The following CADM2 variants were observed in gnomAD, a reference collection of about 807,000 sequenced individuals.
CADM2 encodes cell adhesion molecule 2, also known as immunoglobulin superfamily member 4D.
A neutral mutation model predicts 49.8 loss-of-function variants in CADM2; 12 were observed. The observed-to-expected ratio is 0.24, with a 90% CI of 0.15 to 0.39. The LOEUF (loss-of-function observed/expected upper bound fraction) is 0.39. CADM2 is among the 10% of genes least tolerant of loss of function. The pLI, the probability that CADM2 is intolerant of heterozygous loss-of-function variation, is 1.00. For synonymous variants in CADM2, 214 were observed against 175.4 expected, an observed-to-expected ratio of 1.22 and a Z score of -1.74; for missense variants, 378 against 492.3, an observed-to-expected ratio of 0.77 and a Z score of 2.20.
chr3:85,766,037 T>C lies in CADM2; in HGVS notation c.89-36010T>C, dbSNP rs563069391. Among the ~76,000 whole-genome samples the C allele has an allele frequency of 4.3e-3, 652 of 152,278 alleles. 2 individuals carry two copies. The highest frequency in any genetic ancestry group is 6.8e-3 in the Middle Eastern group (2 of 294). ...TGGTGTCTAAATGGCATGCAACTACTATAGACCTGTTAGAATACGATGCAG... is the reference window on the plus strand; with the variant it reads ...TGGTGTCTAAATGGCATGCAACTACCATAGACCTGTTAGAATACGATGCAG... On this transcript the variant is annotated intron_variant, in intron 2 of 9. Coordinates refer to ENST00000383699, the MANE Select transcript of CADM2 (RefSeq NM_001167675.2).
intron 6 of CADM2, among the ~76,000 whole-genome samples, chr3:85,917,115 G>A (rs1718453521): frequency 6.6e-6 from 1 of 151,938 alleles, no homozygotes; most frequent in African/African-American, 2.4e-5. Context: ...CATTCTGTAG[G>A]TTGCCTGTTC....
intron 1 of CADM2, among the ~76,000 whole-genome samples, chr3:85,135,955 C>T (rs2039405008): frequency 1.3e-5 from 2 of 151,892 alleles, no homozygotes; most frequent in South Asian, 4.1e-4. Context: ...AGAGTAGAGA[C>T]CCTAGAGATT....
chr3:86,013,070 A>T (rs990816161), intron 8 of CADM2: 1 of 1,290,712 alleles, frequency 7.7e-7, no homozygotes, highest in Non-Finnish European at 1.1e-6. Context: ...CTTATAGGAC[A>T]GTTCTTCGAG....
At chr3:85,331,034 C>T (rs2044909176) in intron 1 of CADM2, among the ~76,000 whole-genome samples, 1 of 151,994 alleles carries the variant, frequency 6.6e-6, no homozygotes, top group Non-Finnish European at 1.5e-5. Context: ...TTATGGGGTA[C>T]ATGCAATGTT....
At chr3:85,928,573 A>C (rs1045333344) in intron 6 of CADM2, among the ~76,000 whole-genome samples, 3 of 152,212 alleles carry the variant, frequency 2.0e-5, no homozygotes, top group Non-Finnish European at 2.9e-5. Context: ...AAATCTAGGA[A>C]AACAATGGGG....
chr3:84,989,184 T>C (rs914891475), intron 1 of CADM2, among the ~76,000 whole-genome samples: 5 of 152,312 alleles, frequency 3.3e-5, no homozygotes, highest in African/African-American at 1.2e-4. Flanking sequence ...AAACTTTAGT[T>C]ATCTTTGTGT....
intron 1 of CADM2, among the ~76,000 whole-genome samples, chr3:85,065,542 G>A (rs1576149230): frequency 6.6e-6 from 1 of 152,054 alleles, no homozygotes; most frequent in Admixed American, 6.6e-5. Flanking sequence ...CTTATAAACT[G>A]TAACAAGTTC....
intron 1 of CADM2, among the ~76,000 whole-genome samples, chr3:85,602,851 C>T (rs2063446675): frequency 6.6e-6 from 1 of 151,764 alleles, no homozygotes; most frequent in African/African-American, 2.4e-5. Flanking sequence ...CTCTCTCTTA[C>T]ATTTCAAAAT....
intron 1 of CADM2, among the ~76,000 whole-genome samples, chr3:85,596,197 A>G (rs1433050427): frequency 3.3e-5 from 5 of 151,580 alleles, no homozygotes; most frequent in East Asian, 1.9e-4. Context: ...TTGACTGTCA[A>G]TGTTCAATTA....
At chr3:85,410,139 C>T (rs2035589221) in intron 1 of CADM2, among the ~76,000 whole-genome samples, 2 of 152,130 alleles carry the variant, frequency 1.3e-5, no homozygotes, top group Non-Finnish European at 2.9e-5. Context: ...TAGAACAGAG[C>T]TATTTCAATT....
intron 1 of CADM2, among the ~76,000 whole-genome samples, chr3:85,218,623 C>T (rs889618101): frequency 6.6e-6 from 1 of 152,028 alleles, no homozygotes; most frequent in African/African-American, 2.4e-5. Context: ...TGGTGAAAAC[C>T]TGTCTCTGCT....
chr3:85,872,781 A>G (rs893617620), intron 3 of CADM2, among the ~76,000 whole-genome samples: 1 of 151,328 alleles, frequency 6.6e-6, no homozygotes, highest in African/African-American at 2.4e-5. Context: ...AAATATGCTT[A>G]AATTTTCCAA....
At chr3:85,218,919 A>G (rs1040988475) in intron 1 of CADM2, among the ~76,000 whole-genome samples, 2 of 152,228 alleles carry the variant, frequency 1.3e-5, no homozygotes, top group Non-Finnish European at 1.5e-5. Context: ...CTGCCCTATC[A>G]GCCTAATCTA....
At chr3:85,745,731 G>C (rs770091805) in intron 2 of CADM2, among the ~76,000 whole-genome samples, 2 of 152,080 alleles carry the variant, frequency 1.3e-5, no homozygotes, top group Non-Finnish European at 2.9e-5. Flanking sequence ...CAGGCATAGT[G>C]GTGCATGCCT....
chr3:85,589,873 A>C (rs2063054333), intron 1 of CADM2, among the ~76,000 whole-genome samples: 1 of 152,054 alleles, frequency 6.6e-6, no homozygotes, highest in Admixed American at 6.6e-5. Context: ...GGGAGGAGTA[A>C]GTAAAATACA....
intron 1 of CADM2, among the ~76,000 whole-genome samples, chr3:85,359,764 A>G (rs1397023101): frequency 6.8e-6 from 1 of 147,640 alleles, no homozygotes; most frequent in Non-Finnish European, 1.5e-5. Flanking sequence ...TGTTTCATTA[A>G]CTTTGTGTCT....
intron 1 of CADM2, among the ~76,000 whole-genome samples, chr3:85,038,556 C>A (rs1448429375): frequency 6.6e-6 from 1 of 152,074 alleles, no homozygotes; most frequent in Non-Finnish European, 1.5e-5. Flanking sequence ...ATATCAAGCC[C>A]AATAGGTGGC....
intron 1 of CADM2, among the ~76,000 whole-genome samples, chr3:85,704,716 A>T (rs1183745929): frequency 6.6e-6 from 1 of 152,060 alleles, no homozygotes. Context: ...ACCTTAAAAA[A>T]ACTAAGGTAT....
chr3:85,059,817 C>A (rs2107439299), intron 1 of CADM2, among the ~76,000 whole-genome samples: 1 of 152,284 alleles, frequency 6.6e-6, no homozygotes, highest in Middle Eastern at 3.4e-3. Flanking sequence ...ATAAACCTTT[C>A]TTTTGTAAAT....
Sources: gnomAD v4.1 joint callset for allele counts (sites outside exome capture counted in the v4.1 genomes callset) on GRCh38, gnomAD v4.1.1 for gene constraint, MANE v1.5 for transcripts, NCBI Gene and HGNC (gene_info 2026-07-23, HGNC 2026-07-21) for gene names.